Variants in DNAJC13 observed in about 807,000 individuals in gnomAD.
DNAJC13 encodes the protein dnaJ homolog subfamily C member 13.
In DNAJC13, 75 loss-of-function variants were observed where a neutral mutation model predicts 290.5. The ratio of observed to expected loss-of-function variants is 0.26; its 90% CI spans 0.21 to 0.31. The LOEUF is 0.31. Ranked by LOEUF, DNAJC13 falls within the 10% of genes least tolerant of loss-of-function variation. The pLI is 1.00. For missense variants in DNAJC13, 2,260 were observed against 2,674.5 expected (o/e 0.85, Z 3.42); for synonymous variants, 862 against 892.0 (o/e 0.97, Z 0.60).
intron 46 of DNAJC13, 176 bp downstream of exon 46, chr3:132,514,846 C>T (rs2107735500): frequency 3.7e-6 from 2 of 541,798 alleles, no homozygotes; most frequent in Admixed American, 4.0e-5. Flanking sequence ...CTTGCATTTC[C>T]TATGTCAAAA....
At position 132,466,301 on chromosome 3, in the gene DNAJC13, G is replaced by T. The variant is rs758835479; in HGVS notation, c.1971G>T (p.Pro657=). ...GAAAATGGATTTTGTGTTTTTAGCC[G>T]CCAGGCTTGCTGGCATACTTGGAAA... ...TATNLLKRIL[P]PGLLAYLESS... is the part of the protein sequence containing the mutation. Residue 657 remains proline (P), a splice_region_variant and synonymous_variant, in exon 19 of 56, where the codon CCG becomes CCT. Coordinates refer to ENST00000260818, the MANE Select transcript of DNAJC13 (RefSeq NM_015268.4). The T allele has an allele frequency of 1.9e-6, 3 of 1,581,598 alleles. No homozygotes were observed. The highest frequency in any genetic ancestry group is 2.3e-5 in the South Asian group (2 of 85,200).
Position 132,482,322 on chromosome 3 carries a change from T to A in DNAJC13, c.2971T>A (p.Phe991Ile). The A allele has an allele frequency of 1.2e-6, 2 of 1,613,046 alleles. No homozygotes were observed. The highest frequency in any genetic ancestry group is 2.2e-5 in the South Asian group (2 of 91,058). Residue 991 changes from phenylalanine to isoleucine, a missense_variant, in exon 27 of 56, where the codon TTT (phenylalanine) becomes ATT (isoleucine). Physicochemically the swap from Phe to Ile is conservative, Grantham distance 21 (BLOSUM62 0). Around this residue, in one of 3 missense-constraint regions of DNAJC13, gnomAD observed 1,494 missense variants for 1,693.7 expected, o/e 0.88. Coordinates refer to ENST00000260818, the MANE Select transcript of DNAJC13 (RefSeq NM_015268.4). ...ADKERSGPYG[F>I]HEMQELWTKG... The stretch of plus-strand genomic sequence containing the variant: ...CAAAGAAAGGAGTGGCCCGTATGGA[T>A]TTCATGAGGTATGTATCTTGGAGAT...
In DNAJC13 at chr3:132,533,056, G is replaced by A. The variant is rs1576527655; in HGVS notation, c.6625+1959G>A. On this transcript the variant is annotated intron_variant, in intron 55 of 55. Coordinates refer to ENST00000260818, the MANE Select transcript of DNAJC13 (RefSeq NM_015268.4). ...TTACAGGCGTGAGACACCACACCTGGCTTTTTTTTTTTTTTTTGCGACGGA... is the reference window on the plus strand; with the variant it reads ...TTACAGGCGTGAGACACCACACCTGACTTTTTTTTTTTTTTTTGCGACGGA... 4.5e-5 allele frequency among the ~76,000 whole-genome samples: 4 copies of A among 89,068 alleles called. No homozygotes were observed. The Middle Eastern group carries it at 0.029, about 655-fold the overall frequency. The allele number at this position is 89,068 out of a possible 152,430, so 58.4% of individuals were successfully genotyped here. A position where few individuals can be genotyped will look rare whatever the true frequency, so the allele number is the denominator to read the frequency against.
chr3:132,426,752 G>A (rs1939101931), intron 1 of DNAJC13, among the ~76,000 whole-genome samples: 1 of 151,918 alleles, frequency 6.6e-6, no homozygotes, highest in Non-Finnish European at 1.5e-5. Flanking sequence ...TTAATGTACA[G>A]AGGAAATATT....
intron 2 of DNAJC13, among the ~76,000 whole-genome samples, chr3:132,437,506 G>C (rs1433579879): frequency 6.6e-6 from 1 of 152,142 alleles, no homozygotes; most frequent in East Asian, 1.9e-4. Flanking sequence ...TGTGAAGTAG[G>C]GTTCTAAATT....
At position 132,489,610 on chromosome 3, in the gene DNAJC13, T is replaced by G. The variant is rs112195737; in HGVS notation, c.3468+589T>G. 6.0e-3 allele frequency among the ~76,000 whole-genome samples: 920 copies of G among 152,254 alleles called. 10 individuals carry two copies. Among genetic ancestry groups the G allele is most frequent in the East Asian group, 0.029 (150 of 5,188 alleles). ...GTTTTGAAATATGTTCAGCTTTTCA[T>G]GGAGCATGGATTTTTTTTTGGATCA... On this transcript the variant is annotated intron_variant, in intron 31 of 55. Coordinates refer to ENST00000260818, the MANE Select transcript of DNAJC13 (RefSeq NM_015268.4).
Position 132,507,275 on chromosome 3 carries a change from C to T in DNAJC13, c.5037C>T (p.Tyr1679=). The stretch of plus-strand genomic sequence containing the variant: ...AAACTTATGGATCAGAATTTGTCTA[C>T]AGTGATCATGCCAAAGAACTTATTG... ...CDKTYGSEFV[Y]SDHAKELIVG... is the part of the protein sequence containing the mutation. Residue 1679 remains tyrosine (Y), a synonymous_variant, in exon 43 of 56, where the codon TAC becomes TAT. Coordinates refer to ENST00000260818, the MANE Select transcript of DNAJC13 (RefSeq NM_015268.4). 1 of 1,613,226 alleles carries T rather than the reference C, an allele frequency of 6.2e-7. No homozygotes were observed. Among genetic ancestry groups the T allele is most frequent in the Non-Finnish European group, 8.5e-7 (1 of 1,179,414 alleles).
chr3:132,490,295 C>G (rs1378252507), intron 31 of DNAJC13, among the ~76,000 whole-genome samples: 2 of 152,046 alleles, frequency 1.3e-5, no homozygotes, highest in African/African-American at 2.4e-5. Flanking sequence ...TCCTAGCTAG[C>G]CCTTGGGATT....
In DNAJC13 at chr3:132,523,468, C is replaced by G. The variant is rs529106398; in HGVS notation, c.5887-72C>G. 8.5e-5 allele frequency: 126 copies of G among 1,490,482 alleles called. No homozygotes were observed. In the African/African-American group the frequency reaches 1.5e-3, roughly 17 times the overall value. The allele number at this position is 1,490,482 out of a possible 1,614,324, so 92.3% of individuals were successfully genotyped here. On this transcript the variant is annotated intron_variant, in intron 50 of 55. Transcript: ENST00000260818. ...GGACTGGTTAACATTATAAACAATT[C>G]TTTAATATGGTGTGCATTTCTAGCT...
At chr3:132,518,163 C>G (rs1041489046) in intron 48 of DNAJC13, among the ~76,000 whole-genome samples, 1 of 152,166 alleles carries the variant, frequency 6.6e-6, no homozygotes, top group African/African-American at 2.4e-5. Flanking sequence ...CACCCATTAA[C>G]TCGTCAATAG....
Position 132,478,316 on chromosome 3 carries a change from TGGG to T in DNAJC13, c.2709+177_2709+179del, listed in dbSNP as rs1327969252. 3.3e-4 allele frequency among the ~76,000 whole-genome samples: 51 copies of T among 152,348 alleles called. 1 individual carries two copies. In the South Asian group the frequency reaches 4.1e-3, roughly 12 times the overall value. On this transcript the variant is annotated intron_variant, in intron 24 of 55. Coordinates refer to ENST00000260818, the MANE Select transcript of DNAJC13 (RefSeq NM_015268.4). ...GTTAGATGAATAGGAAAATGAATAA[TGGG>T]TTAGAATTTGTCCATGTCACTTTAT...
At chr3:132,530,870 T>A (rs1936393839) in intron 54 of DNAJC13, 128 bp from the exon 55 acceptor site, 5 of 697,922 alleles carry the variant, frequency 7.2e-6, no homozygotes, top group Non-Finnish European at 1.3e-5. Context: ...GAATGCTAGT[T>A]CTTGCTCCAT....
intron 48 of DNAJC13, among the ~76,000 whole-genome samples, chr3:132,519,358 G>A (rs1462229058): frequency 6.6e-6 from 1 of 152,038 alleles, no homozygotes; most frequent in Non-Finnish European, 1.5e-5. Context: ...GCATTTCCCT[G>A]GTGGCTAATG....
At chr3:132,470,549 C>A (rs1224549719) in intron 20 of DNAJC13, among the ~76,000 whole-genome samples, 1 of 138,680 alleles carries the variant, frequency 7.2e-6, no homozygotes, top group East Asian at 2.2e-4. Context: ...CTCCTCACTT[C>A]CCAGTAGGGG....
At chr3:132,520,721 A>G (rs1936063777) in intron 48 of DNAJC13, among the ~76,000 whole-genome samples, 1 of 152,230 alleles carries the variant, frequency 6.6e-6, no homozygotes, top group African/African-American at 2.4e-5. Context: ...TATCCTAAAT[A>G]CAATTAAAGT....
At position 132,483,486 on chromosome 3, in the gene DNAJC13, T is replaced by C; in HGVS notation, c.3091T>C (p.Leu1031=). The change falls in exon 28 of 56, where the codon TTA becomes CTA. Residue 1031 remains leucine (L), a synonymous_variant. Coordinates refer to ENST00000260818, the MANE Select transcript of DNAJC13 (RefSeq NM_015268.4). ...QSIPQLKWCL[L]ASGQAVLNET... ...CATACCCCAGCTTAAGTGGTGTCTC[T>C]TAGCCAGTGGACAGGCTGTCCTGAA... is the stretch of plus-strand genomic sequence containing the variant. 1 of 1,614,150 alleles carries C rather than the reference T, an allele frequency of 6.2e-7. No homozygotes were observed. Among genetic ancestry groups the C allele is most frequent in the Non-Finnish European group, 8.5e-7 (1 of 1,179,982 alleles).
chr3:132,460,050 T>C (rs1283700469), intron 13 of DNAJC13, among the ~76,000 whole-genome samples, 200 bp from the exon 14 acceptor site: 2 of 152,212 alleles, frequency 1.3e-5, no homozygotes, highest in Non-Finnish European at 2.9e-5. Flanking sequence ...GGGCAAATTA[T>C]CTGTGAAGTC....
At chr3:132,424,929 A>C (rs1000891962) in intron 1 of DNAJC13, among the ~76,000 whole-genome samples, 1 of 152,124 alleles carries the variant, frequency 6.6e-6, no homozygotes, top group Non-Finnish European at 1.5e-5. Flanking sequence ...GCTAAAATTT[A>C]AAAATAGGGT....
chr3:132,452,097 G>A (rs1468357531), intron 6 of DNAJC13, among the ~76,000 whole-genome samples: 1 of 152,180 alleles, frequency 6.6e-6, no homozygotes, highest in African/African-American at 2.4e-5. Flanking sequence ...AAAGATACCT[G>A]ATTACAAGAA....
Sources: gnomAD v4.1 joint callset for allele counts (sites outside exome capture counted in the v4.1 genomes callset) on GRCh38, gnomAD v4.1.1 for gene constraint, gnomAD v4.1.1 regional missense constraint, MANE v1.5 for transcripts, NCBI Gene and HGNC (gene_info 2026-07-23, HGNC 2026-07-21) for gene names.